The following PTPN4 variants were observed in gnomAD, a reference collection of about 807,000 sequenced individuals.
PTPN4 encodes tyrosine-protein phosphatase non-receptor type 4.
PTPN4 carries 49 observed loss-of-function variants against 135.5 expected under a neutral mutation model. The ratio of observed to expected loss-of-function variants is 0.36; its 90% CI spans 0.29 to 0.46. The LOEUF (loss-of-function observed/expected upper bound fraction) is 0.46. Ranked by LOEUF, PTPN4 falls within the 20% of genes least tolerant of loss-of-function variation. PTPN4 has a pLI of 1.00. For missense variants in PTPN4, 860 were observed against 1,101.0 expected, an observed-to-expected ratio of 0.78 and a Z score of 3.10; for synonymous variants, 333 against 369.9, an observed-to-expected ratio of 0.90 and a Z score of 1.14.
At chr2:119,828,504 G>A (rs1677176442) in intron 2 of PTPN4, among the ~76,000 whole-genome samples, 1 of 152,150 alleles carries the variant, frequency 6.6e-6, no homozygotes, top group Non-Finnish European at 1.5e-5. Flanking sequence ...TATGAATACT[G>A]TAGCTCTAAA....
intron 26 of PTPN4, among the ~76,000 whole-genome samples, chr2:119,972,523 C>T (rs1679551610): frequency 6.6e-6 from 1 of 151,968 alleles, no homozygotes; most frequent in Admixed American, 6.6e-5. Flanking sequence ...TTACTTCTTT[C>T]CAATCTAGAT....
chr2:119,764,554 C>T (rs1232307219), intron 1 of PTPN4, among the ~76,000 whole-genome samples: 2 of 152,120 alleles, frequency 1.3e-5, no homozygotes, highest in Non-Finnish European at 2.9e-5. Context: ...TTAATCCACT[C>T]ACAAGGATCA....
intron 2 of PTPN4, among the ~76,000 whole-genome samples, chr2:119,853,877 C>T (rs547532051): frequency 3.3e-5 from 5 of 151,840 alleles, no homozygotes; most frequent in African/African-American, 7.3e-5. Context: ...TGTCTCAGAC[C>T]GATTAGATAA....
chr2:119,809,857 A>C lies in PTPN4; in HGVS notation c.4A>C (p.Thr2Pro), dbSNP rs1390419226. The C allele has an allele frequency of 1.9e-6, 3 of 1,608,384 alleles. No homozygotes were observed. The highest frequency in any genetic ancestry group is 2.5e-6 in the Non-Finnish European group (3 of 1,178,504). ...CTTAGACTTTGTGTGGACAGTAATGACCTCACGTTTCCGATTGCCTGCTGG... is the reference window on the plus strand; with the variant it reads ...CTTAGACTTTGTGTGGACAGTAATGCCCTCACGTTTCCGATTGCCTGCTGG... M[T>P]SRFRLPAGRT... The change falls in exon 2 of 27, where the codon ACC (threonine) becomes CCC (proline). Residue 2 changes from threonine to proline, a missense_variant. By Grantham distance (38) the Thr-to-Pro change is conservative. Coordinates refer to ENST00000263708, the MANE Select transcript of PTPN4 (RefSeq NM_002830.4).
chr2:119,933,355 C>T (rs1026032040), intron 14 of PTPN4, among the ~76,000 whole-genome samples: 18 of 152,162 alleles, frequency 1.2e-4, no homozygotes, highest in African/African-American at 4.1e-4. Context: ...AAATGTTTTA[C>T]ACACATTAAT....
intron 25 of PTPN4, among the ~76,000 whole-genome samples, chr2:119,967,571 G>A (rs767498764): frequency 1.3e-5 from 2 of 151,994 alleles, no homozygotes; most frequent in Non-Finnish European, 2.9e-5. Flanking sequence ...TCTATTCCTT[G>A]TTCAGATTTT....
chr2:119,883,197 C>CT (rs202030583), intron 8 of PTPN4, among the ~76,000 whole-genome samples: 1 of 152,026 alleles, frequency 6.6e-6, no homozygotes, highest in Non-Finnish European at 1.5e-5. Flanking sequence ...TCGGTGAAAA[C>CT]TTTGTTTCAT....
intron 12 of PTPN4, among the ~76,000 whole-genome samples, chr2:119,921,017 A>G (rs1678729253): frequency 6.6e-6 from 1 of 152,190 alleles, no homozygotes; most frequent in East Asian, 1.9e-4. Context: ...GCAATGGCTC[A>G]CACCTGTAAT....
chr2:119,914,810 T>G (rs1183085150), intron 10 of PTPN4, among the ~76,000 whole-genome samples: 1 of 152,160 alleles, frequency 6.6e-6, no homozygotes, highest in Non-Finnish European at 1.5e-5. Context: ...TTTTTAAAAT[T>G]TAATGCTTTT....
At chr2:119,913,777 T>C (rs1678608057) in intron 10 of PTPN4, among the ~76,000 whole-genome samples, 1 of 152,146 alleles carries the variant, frequency 6.6e-6, no homozygotes, top group Non-Finnish European at 1.5e-5. Context: ...AATCAATCTT[T>C]ATACTGTTTA....
intron 2 of PTPN4, among the ~76,000 whole-genome samples, chr2:119,823,527 C>G (rs1677102131): frequency 6.6e-6 from 1 of 152,144 alleles, no homozygotes; most frequent in Non-Finnish European, 1.5e-5. Context: ...GCCACCGTGC[C>G]CAGCCCATCT....
Position 119,965,603 on chromosome 2 carries a change from A to C in PTPN4, c.2516A>C (p.Asn839Thr). Residue 839 changes from asparagine (N) to threonine (T), a missense_variant, in exon 25 of 27, where the codon AAC (asparagine) becomes ACC (threonine). Coordinates refer to ENST00000263708, the MANE Select transcript of PTPN4 (RefSeq NM_002830.4). ...DFLDFVCHVR[N>T]KRAGKEEPVV... ...CTAGATTTTGTTTGTCATGTACGAAACAAGAGGGCTGGCAAGGAAGAACCC... is the reference window on the plus strand; with the variant it reads ...CTAGATTTTGTTTGTCATGTACGAACCAAGAGGGCTGGCAAGGAAGAACCC... 6.2e-7 allele frequency: 1 copy of C among 1,614,060 alleles called. No homozygotes were observed. The highest frequency in any genetic ancestry group is 8.5e-7 in the Non-Finnish European group (1 of 1,179,990).
intron 1 of PTPN4, among the ~76,000 whole-genome samples, chr2:119,793,409 T>C (rs1691188845): frequency 6.6e-6 from 1 of 152,228 alleles, no homozygotes; most frequent in Non-Finnish European, 1.5e-5. Context: ...CTGTTCTTTT[T>C]TCAATGTGCT....
chr2:119,956,504 T>C (rs1679288127), intron 20 of PTPN4, among the ~76,000 whole-genome samples: 1 of 152,238 alleles, frequency 6.6e-6, no homozygotes, highest in Non-Finnish European at 1.5e-5. Flanking sequence ...GTTCAAAAGT[T>C]CTTAGTTCAT....
intron 1 of PTPN4, among the ~76,000 whole-genome samples, chr2:119,778,319 A>G (rs1479085460): frequency 6.6e-6 from 1 of 152,182 alleles, no homozygotes; most frequent in East Asian, 1.9e-4. Flanking sequence ...TAGGAGAAAG[A>G]GTAGTTCTTT....
chr2:119,856,977 A>G (rs1381972085), intron 2 of PTPN4, among the ~76,000 whole-genome samples: 1 of 152,182 alleles, frequency 6.6e-6, no homozygotes, highest in African/African-American at 2.4e-5. Flanking sequence ...GGCAAAAAGT[A>G]TTTGGTGAGG....
chr2:119,862,515 AAT>A lies in PTPN4; in HGVS notation c.139-20_139-19del. On this transcript the variant is annotated intron_variant, in intron 2 of 26. Transcript: ENST00000263708. Reference sequence around the variant, plus strand: ...TAACCTATCAAAGTTGATTTCATTCAATTTTTTTTTTTTTTTACAGAAACATG... The same window carrying A: ...TAACCTATCAAAGTTGATTTCATTCATTTTTTTTTTTTTTACAGAAACATG... 4 of 1,399,822 alleles carry A rather than the reference AAT, an allele frequency of 2.9e-6. No homozygotes were observed. The highest frequency in any genetic ancestry group is 2.3e-5 in the East Asian group (1 of 43,438). 86.7% of individuals were successfully genotyped at this position (1,399,822 alleles called of 1,614,324 possible). A position where few individuals can be genotyped will look rare whatever the true frequency, so the allele number is the denominator to read the frequency against.
In PTPN4 at chr2:119,886,658, G is replaced by A. The variant is rs117864984; in HGVS notation, c.675+776G>A. 3.6e-4 allele frequency among the ~76,000 whole-genome samples: 55 copies of A among 152,314 alleles called. No homozygotes were observed. In the East Asian group the frequency reaches 8.1e-3, roughly 22 times the overall value. On this transcript the variant is annotated intron_variant, in intron 9 of 26. Transcript: ENST00000263708. ...GCCTAAAAAGGATATCAACCTGAAA[G>A]AGAATTCAGAGCCAATATTTTTCTT...
At chr2:119,795,465 C>T (rs908785323) in intron 1 of PTPN4, among the ~76,000 whole-genome samples, 18 of 152,244 alleles carry the variant, frequency 1.2e-4, no homozygotes, top group African/African-American at 4.3e-4. Context: ...CACCCAAAGT[C>T]CAGAGGGGGC....
Sources: gnomAD v4.1 joint callset for allele counts (sites outside exome capture counted in the v4.1 genomes callset) on GRCh38, gnomAD v4.1.1 for gene constraint, MANE v1.5 for transcripts, NCBI Gene and HGNC (gene_info 2026-07-23, HGNC 2026-07-21) for gene names.